The following CTNNA3 variants were observed in gnomAD, a reference collection of about 807,000 sequenced individuals.
The protein encoded by CTNNA3 is catenin alpha-3.
CTNNA3 carries 76 observed loss-of-function variants against 95.7 expected under a neutral mutation model. The observed-to-expected ratio is 0.79, with a 90% CI of 0.66 to 0.96. The LOEUF (loss-of-function observed/expected upper bound fraction) is 0.96, where lower values mean the gene tolerates loss of function less well. CTNNA3 is among the 40% of genes least tolerant of loss of function. The pLI is 0.00. For synonymous variants in CTNNA3, 431 were observed against 374.4 expected, an observed-to-expected ratio of 1.15 and a Z score of -1.74; for missense variants, 1,191 against 1,089.8, an observed-to-expected ratio of 1.09 and a Z score of -1.31.
intron 3 of CTNNA3, among the ~76,000 whole-genome samples, chr10:67,569,896 C>T (rs1353998862): frequency 1.3e-5 from 2 of 152,086 alleles, no homozygotes; most frequent in Admixed American, 6.6e-5. Context: ...CTTCTCTTCT[C>T]GAGAGACTTT....
At chr10:66,529,462 T>TA (rs1841390555) in intron 10 of CTNNA3, among the ~76,000 whole-genome samples, 4 of 150,950 alleles carry the variant, frequency 2.6e-5, no homozygotes, top group African/African-American at 9.8e-5. Context: ...TTTTTTTTTT[T>TA]AATAAAAAAA....
rs183793449 is a variant in CTNNA3 at position 67,422,665 on chromosome 10, G to T, written c.579+99177C>A. On this transcript the variant is annotated intron_variant, in intron 5 of 17. Transcript: ENST00000433211. Reference sequence around the variant, plus strand: ...CACTAGAACTGATGGCTAAACATGTGGGCACATTCTCATTCACTCTCTCTT... The same window carrying T: ...CACTAGAACTGATGGCTAAACATGTTGGCACATTCTCATTCACTCTCTCTT... Among the ~76,000 whole-genome samples, 662 of 152,046 alleles carry T rather than the reference G, an allele frequency of 4.4e-3. 3 individuals carry two copies. The highest frequency in any genetic ancestry group is 7.0e-3 in the Non-Finnish European group (475 of 67,962).
At chr10:67,649,220 C>T (rs1839808143) in intron 1 of CTNNA3, among the ~76,000 whole-genome samples, 1 of 152,174 alleles carries the variant, frequency 6.6e-6, no homozygotes, top group African/African-American at 2.4e-5. Flanking sequence ...CTGTTGTGAA[C>T]TAAAATAAAA....
intron 7 of CTNNA3, among the ~76,000 whole-genome samples, chr10:67,101,897 A>T (rs886437916): frequency 2.0e-5 from 3 of 151,834 alleles, no homozygotes; most frequent in African/African-American, 7.2e-5. Context: ...ACCTGATGTG[A>T]ATTGTTGTTA....
chr10:66,652,779 G>A (rs1190672052), intron 9 of CTNNA3, among the ~76,000 whole-genome samples: 1 of 151,978 alleles, frequency 6.6e-6, no homozygotes, highest in East Asian at 1.9e-4. Flanking sequence ...TATATTTAAA[G>A]GAACATTTAT....
chr10:67,733,350 T>C (rs1047728139), intron 1 of CTNNA3, among the ~76,000 whole-genome samples: 1 of 152,218 alleles, frequency 6.6e-6, no homozygotes, highest in African/African-American at 2.4e-5. Context: ...ACAAATCTAT[T>C]TGAATGCGTT....
intron 7 of CTNNA3, among the ~76,000 whole-genome samples, chr10:67,081,788 C>T (rs1276521089): frequency 6.6e-6 from 1 of 152,174 alleles, no homozygotes; most frequent in African/African-American, 2.4e-5. Flanking sequence ...TCCTTCAAGA[C>T]TCAGCTCAAG....
In CTNNA3 at chr10:67,639,887, G is replaced by C. The variant is rs182013511; in HGVS notation, c.99+7528C>G. ...TAATAAGAGCTATTTATGACCAACC[G>C]ACAGCCAATATCATACTGAATGGGC... On this transcript the variant is annotated intron_variant, in intron 2 of 17. Coordinates refer to ENST00000433211, the MANE Select transcript of CTNNA3 (RefSeq NM_013266.4). 0.034 allele frequency among the ~76,000 whole-genome samples: 5,174 copies of C among 152,048 alleles called. 621 individuals are homozygous for C. The East Asian group carries it at 0.44, about 13-fold the overall frequency.
intron 13 of CTNNA3, among the ~76,000 whole-genome samples, chr10:66,232,360 T>C (rs2089629409): frequency 6.6e-6 from 1 of 152,146 alleles, no homozygotes; most frequent in South Asian, 2.1e-4. Flanking sequence ...GCAATGTACA[T>C]AAAAATCCCA....
At chr10:66,759,916 C>G (rs554517720) in intron 9 of CTNNA3, among the ~76,000 whole-genome samples, 5 of 152,042 alleles carry the variant, frequency 3.3e-5, no homozygotes, top group Non-Finnish European at 7.4e-5. Flanking sequence ...GTTTTTTACT[C>G]TTTTTAGTGT....
chr10:65,940,676 C>G (rs2133175639), intron 17 of CTNNA3, among the ~76,000 whole-genome samples: 1 of 152,138 alleles, frequency 6.6e-6, no homozygotes, highest in Middle Eastern at 3.4e-3. Flanking sequence ...GGCAGTGAAA[C>G]AATTTTTTTT....
chr10:67,002,571 T>C (rs1351573087), intron 7 of CTNNA3, among the ~76,000 whole-genome samples: 1 of 152,144 alleles, frequency 6.6e-6, no homozygotes. Context: ...CAGTCTAAAT[T>C]ACTCCTTTGA....
intron 13 of CTNNA3, among the ~76,000 whole-genome samples, chr10:66,145,197 A>G (rs1012844083): frequency 6.6e-6 from 1 of 152,194 alleles, no homozygotes. Context: ...CCTTTGAAGT[A>G]TATCCATATG....
intron 11 of CTNNA3, among the ~76,000 whole-genome samples, chr10:66,461,009 G>T (rs189540952): frequency 6.6e-6 from 1 of 152,104 alleles, no homozygotes; most frequent in South Asian, 2.1e-4. Context: ...TGTGTTCAAT[G>T]TTAGAGTCTG....
At chr10:67,131,526 T>G (rs1472124878) in intron 7 of CTNNA3, among the ~76,000 whole-genome samples, 2 of 152,044 alleles carry the variant, frequency 1.3e-5, no homozygotes, top group Non-Finnish European at 2.9e-5. Flanking sequence ...TGGTAGACCA[T>G]TGGTGAACAA....
chr10:66,209,338 T>TA (rs1260860891), intron 13 of CTNNA3, among the ~76,000 whole-genome samples: 9 of 152,242 alleles, frequency 5.9e-5, no homozygotes, highest in African/African-American at 2.2e-4. Flanking sequence ...AATAAATTAG[T>TA]AAATGATATA....
At chr10:66,483,501 T>G (rs1386847765) in intron 11 of CTNNA3, among the ~76,000 whole-genome samples, 1 of 152,170 alleles carries the variant, frequency 6.6e-6, no homozygotes, top group Non-Finnish European at 1.5e-5. Context: ...TTTTACTTAT[T>G]AAAAAATTAT....
At chr10:66,467,217 G>A (rs1838952631) in intron 11 of CTNNA3, among the ~76,000 whole-genome samples, 2 of 151,958 alleles carry the variant, frequency 1.3e-5, no homozygotes, top group African/African-American at 2.4e-5. Context: ...TGATCCCTCC[G>A]GTGGTGACTG....
intron 5 of CTNNA3, among the ~76,000 whole-genome samples, chr10:67,375,124 A>G (rs1173072646): frequency 6.6e-6 from 1 of 152,186 alleles, no homozygotes; most frequent in African/African-American, 2.4e-5. Context: ...TGATTGTGAG[A>G]AGAGCACAGA....
Sources: allele counts gnomAD v4.1 joint callset (sites outside exome capture counted in the v4.1 genomes callset), GRCh38; gene constraint gnomAD v4.1.1; transcripts MANE v1.5; gene names NCBI Gene and HGNC (gene_info 2026-07-23, HGNC 2026-07-21).